C14orf39: variants seen among roughly 807,000 people sequenced by gnomAD.
The protein encoded by C14orf39 is protein SIX6OS1.
Under a neutral mutation model 85.6 loss-of-function variants are expected in C14orf39, and 66 were observed. The observed-to-expected ratio is 0.77, with a 90% CI of 0.63 to 0.95. C14orf39 has a LOEUF of 0.95. C14orf39 is among the 40% of genes least tolerant of loss of function. The probability of loss-of-function intolerance (pLI) is 0.00; values close to 1 mark genes in which losing one functional copy is unlikely to be tolerated. For missense variants in C14orf39, 735 were observed against 663.9 expected (o/e 1.11, Z -1.18); for synonymous variants, 242 against 214.0 (o/e 1.13, Z -1.14).
chr14:60,453,461 T>C (rs1392871177), intron 16 of C14orf39, among the ~76,000 whole-genome samples: 4 of 151,994 alleles, frequency 2.6e-5, no homozygotes, highest in South Asian at 4.1e-4. Flanking sequence ...GTGTTTCTTA[T>C]AGATAGCTTA....
chr14:60,470,431 A>G (rs1364080137), intron 7 of C14orf39, among the ~76,000 whole-genome samples: 1 of 151,910 alleles, frequency 6.6e-6, no homozygotes, highest in Non-Finnish European at 1.5e-5. Context: ...CAAGTGAATC[A>G]TGATTTATAA....
chr14:60,487,028 T>C (rs1378302640), upstream of C14orf39, among the ~76,000 whole-genome samples: 1 of 152,224 alleles, frequency 6.6e-6, no homozygotes, highest in Non-Finnish European at 1.5e-5. Flanking sequence ...TACATGATAT[T>C]TGGACGTATA....
At chr14:60,472,604 A>G (rs1892150870) in intron 5 of C14orf39, among the ~76,000 whole-genome samples, 2 of 151,856 alleles carry the variant, frequency 1.3e-5, no homozygotes, top group African/African-American at 4.8e-5. Flanking sequence ...TCCTGTGTCC[A>G]TGTGTTCTCA....
chr14:60,459,673 A>T (rs1015589539), intron 13 of C14orf39, among the ~76,000 whole-genome samples: 14 of 151,734 alleles, frequency 9.2e-5, no homozygotes, highest in Non-Finnish European at 1.5e-4. Flanking sequence ...TAATTTTGCT[A>T]ATCTGGTGGA....
At chr14:60,478,499 C>T in intron 4 of C14orf39, 110 bp from the exon 5 acceptor site, 1 of 517,422 alleles carries the variant, frequency 1.9e-6, no homozygotes. Context: ...CTTTCTCTTC[C>T]TGGAGAAAAC....
At chr14:60,481,912 T>A (rs1463600153) in intron 4 of C14orf39, among the ~76,000 whole-genome samples, 4 of 152,170 alleles carry the variant, frequency 2.6e-5, no homozygotes, top group Non-Finnish European at 5.9e-5. Context: ...TTATAGGGTA[T>A]TTTTCTTTTT....
chr14:60,445,073 A>G (rs779045612), intron 16 of C14orf39, among the ~76,000 whole-genome samples: 7 of 152,198 alleles, frequency 4.6e-5, no homozygotes, highest in African/African-American at 7.2e-5. Flanking sequence ...AGGGAACACT[A>G]AACTTGGAAA....
intron 16 of C14orf39, among the ~76,000 whole-genome samples, chr14:60,443,870 T>A (rs547654500): frequency 6.6e-6 from 1 of 152,322 alleles, no homozygotes; most frequent in East Asian, 1.9e-4. Context: ...ATATTTACTG[T>A]TCTGCAGCCT....
At chr14:60,486,979 T>C (rs1053026778), upstream of C14orf39, among the ~76,000 whole-genome samples, 1 of 152,168 alleles carries the variant, frequency 6.6e-6, no homozygotes, top group African/African-American at 2.4e-5. Flanking sequence ...TCCAGCTTTA[T>C]TGAGGCATAA....
chr14:60,441,515 T>A (rs1890510200), intron 17 of C14orf39, among the ~76,000 whole-genome samples: 1 of 152,210 alleles, frequency 6.6e-6, no homozygotes, highest in Non-Finnish European at 1.5e-5. Context: ...CAACTGTTGT[T>A]TAGTGTACTA....
chr14:60,461,403 G>A lies in C14orf39; in HGVS notation c.1068C>T (p.Thr356=), dbSNP rs773827458. The A allele has an allele frequency of 2.5e-6, 4 of 1,607,778 alleles. No homozygotes were observed. The African/African-American group carries it at 4.0e-5, about 16-fold the overall frequency. Residue 356 remains threonine, a synonymous_variant, in exon 13 of 18, where the codon ACC becomes ACT. Transcript: ENST00000321731. The stretch of plus-strand genomic sequence containing the variant: ...GATTGGAATTTGATTGTTTCTGTGG[G>A]GTTAACAATCTAAAATGGAATAAAT... ...SQKFMQVRLL[T]PQKQSNSNQW... is the part of the protein sequence containing the mutation.
chr14:60,455,002 T>C lies in C14orf39; in HGVS notation c.1502A>G (p.Gln501Arg), dbSNP rs1472892298. Residue 501 changes from glutamine (Q) to arginine (R), a missense_variant and splice_region_variant, in exon 16 of 18, where the codon CAG becomes CGG. Transcript: ENST00000321731. ...SVFDTEISSD[Q>R]FNEHYSARNL... ...AAAACTTTTGGCTTCTCATATTACC[T>C]GATCTGATGAGATTTCTGTATCAAA... The C allele has an allele frequency of 6.5e-7, 1 of 1,532,470 alleles. No homozygotes were observed. Among genetic ancestry groups the C allele is most frequent in the South Asian group, 1.3e-5 (1 of 78,270 alleles). 94.9% of individuals were successfully genotyped at this position (1,532,470 alleles called of 1,614,324 possible). A position where few individuals can be genotyped will look rare whatever the true frequency, so the allele number is the denominator to read the frequency against.
intron 17 of C14orf39, among the ~76,000 whole-genome samples, chr14:60,440,012 T>A (rs1364162925): frequency 6.6e-6 from 1 of 151,634 alleles, no homozygotes; most frequent in African/African-American, 2.4e-5. Context: ...GAGGCGGAGG[T>A]TGCCGTGAGC....
intron 2 of C14orf39, chr14:60,495,703 C>A: frequency 5.5e-6 from 1 of 182,990 alleles, no homozygotes; most frequent in South Asian, 1.2e-4. Flanking sequence ...TGAAGGGTTT[C>A]TCTCCAAAGT....
intron 1 of C14orf39, among the ~76,000 whole-genome samples, chr14:60,503,980 T>C (rs1424310421): frequency 2.0e-5 from 3 of 152,132 alleles, no homozygotes; most frequent in Non-Finnish European, 4.4e-5. Flanking sequence ...GTTATTGACT[T>C]TGTTATTGTG....
intron 1 of C14orf39, among the ~76,000 whole-genome samples, chr14:60,506,057 T>TG (rs1236358899): frequency 6.6e-6 from 1 of 152,164 alleles, no homozygotes; most frequent in Non-Finnish European, 1.5e-5. Context: ...TTCTACATGA[T>TG]TTTTTTCTCC....
intron 9 of C14orf39, among the ~76,000 whole-genome samples, chr14:60,467,346 C>G (rs1190567732): frequency 6.6e-6 from 1 of 151,772 alleles, no homozygotes. Flanking sequence ...TAAGCCAAAA[C>G]TTGTAACTAC....
chr14:60,440,076 A>T (rs1890437595), intron 17 of C14orf39, among the ~76,000 whole-genome samples: 1 of 151,378 alleles, frequency 6.6e-6, no homozygotes, highest in Admixed American at 6.6e-5. Context: ...ACTCTGTCTC[A>T]AAAAAAAAGA....
Position 60,471,445 on chromosome 14 carries a change from GA to G in C14orf39, c.525del (p.Pro176HisfsTer8). ...TTTAAAGTCCATTTAGTAAGTGATG[GA>G]AAGGGAGCAGGCACTGAAAAATAAA... Reference protein sequence around the residue: ...IFMKFRVPAPFPSLTKWTLNI... With the variant: ...IFMKFRVPAPXPSLTKWTLNI... On this transcript the variant is annotated frameshift_variant, in exon 7 of 18. Transcript: ENST00000321731. LOFTEE classifies it high-confidence loss of function. The G allele has an allele frequency of 6.3e-7, 1 of 1,599,940 alleles. No individual in the cohort carries two copies. Among genetic ancestry groups the G allele is most frequent in the Non-Finnish European group, 8.5e-7 (1 of 1,173,256 alleles).
Sources: allele counts gnomAD v4.1 joint callset (sites outside exome capture counted in the v4.1 genomes callset), GRCh38; gene constraint gnomAD v4.1.1; transcripts MANE v1.5; gene names NCBI Gene and HGNC (gene_info 2026-07-23, HGNC 2026-07-21).